Variants in ADAM9 observed in about 807,000 individuals in gnomAD.
The protein encoded by ADAM9 is disintegrin and metalloproteinase domain-containing protein 9.
Under a neutral mutation model 108.1 loss-of-function variants are expected in ADAM9, and 54 were observed. The observed-to-expected ratio is 0.50, with a 90% CI of 0.40 to 0.63. The LOEUF (loss-of-function observed/expected upper bound fraction) is 0.63. ADAM9 is among the 20% of genes least tolerant of loss of function. The probability of loss-of-function intolerance (pLI) is 0.00; values close to 1 mark genes in which losing one functional copy is unlikely to be tolerated. For synonymous variants in ADAM9, 316 were observed against 336.0 expected, an observed-to-expected ratio of 0.94 and a Z score of 0.65; for missense variants, 830 against 997.7, an observed-to-expected ratio of 0.83 and a Z score of 2.26.
intron 7 of ADAM9, 85 bp downstream of exon 7, chr8:39,019,003 T>TTGATGTA (rs1362208205): frequency 1.6e-6 from 2 of 1,259,032 alleles, no homozygotes; most frequent in Admixed American, 3.5e-5. Context: ...AACTACACAT[T>TTGATGTA]GTTTGTATTG....
intron 11 of ADAM9, among the ~76,000 whole-genome samples, chr8:39,035,158 T>C (rs1837229269): frequency 6.6e-6 from 1 of 152,220 alleles, no homozygotes; most frequent in Non-Finnish European, 1.5e-5. Context: ...TTTTCTTCTG[T>C]GTAATTTCTT....
At chr8:39,048,732 G>A (rs948703146) in intron 12 of ADAM9, among the ~76,000 whole-genome samples, 4 of 152,022 alleles carry the variant, frequency 2.6e-5, no homozygotes, top group African/African-American at 9.7e-5. Context: ...GTCAGTGCTT[G>A]CATTACATAT....
At chr8:39,099,662 T>C (rs546375684) in intron 20 of ADAM9, among the ~76,000 whole-genome samples, 18 of 152,256 alleles carry the variant, frequency 1.2e-4, no homozygotes, top group African/African-American at 4.3e-4. Flanking sequence ...AAGATTAAAA[T>C]TTTTTTAAAT....
intron 20 of ADAM9, among the ~76,000 whole-genome samples, 179 bp downstream of exon 20, chr8:39,091,525 T>C (rs1564378182): frequency 6.6e-6 from 1 of 152,204 alleles, no homozygotes; most frequent in Non-Finnish European, 1.5e-5. Flanking sequence ...CCTTGCTCTG[T>C]TGCCCGGGGT....
intron 15 of ADAM9, among the ~76,000 whole-genome samples, chr8:39,074,549 A>G (rs185012611): frequency 6.6e-6 from 1 of 152,140 alleles, no homozygotes. Context: ...AAATAAGGCC[A>G]TTCACATGAT....
intron 12 of ADAM9, among the ~76,000 whole-genome samples, chr8:39,053,291 TA>T (rs1838015837): frequency 6.6e-6 from 1 of 152,152 alleles, no homozygotes; most frequent in African/African-American, 2.4e-5. Flanking sequence ...AACTTAGCAG[TA>T]TATTTTGAAG....
chr8:39,079,111 A>G (rs1410880993), intron 16 of ADAM9, among the ~76,000 whole-genome samples: 1 of 152,170 alleles, frequency 6.6e-6, no homozygotes, highest in Non-Finnish European at 1.5e-5. Context: ...GATAGCAAAA[A>G]TGGGCTTCCT....
At chr8:39,094,032 A>T (rs928660962) in intron 20 of ADAM9, among the ~76,000 whole-genome samples, 2 of 152,146 alleles carry the variant, frequency 1.3e-5, no homozygotes, top group South Asian at 2.1e-4. Flanking sequence ...TCGGCCTCCC[A>T]AAGTGCTGGG....
At chr8:39,027,020 T>A (rs1836945543) in intron 11 of ADAM9, among the ~76,000 whole-genome samples, 2 of 152,020 alleles carry the variant, frequency 1.3e-5, no homozygotes, top group South Asian at 4.2e-4. Flanking sequence ...TGTTACCTGA[T>A]GTATTGCTGA....
At chr8:39,039,587 CTG>C (rs1392040109) in intron 11 of ADAM9, among the ~76,000 whole-genome samples, 1 of 152,208 alleles carries the variant, frequency 6.6e-6, no homozygotes, top group Non-Finnish European at 1.5e-5. Flanking sequence ...GTTTTATTTT[CTG>C]TCTCTGGATT....
intron 18 of ADAM9, among the ~76,000 whole-genome samples, chr8:39,086,476 C>G (rs1839184073): frequency 6.6e-6 from 1 of 152,012 alleles, no homozygotes; most frequent in African/African-American, 2.4e-5. Context: ...TCTGGAAGTT[C>G]CATTTGTTTC....
chr8:39,089,898 G>A (rs938136559), intron 18 of ADAM9, 149 bp from the exon 19 acceptor site: 5 of 853,046 alleles, frequency 5.9e-6, no homozygotes, highest in Non-Finnish European at 7.8e-6. Flanking sequence ...GGACAGGAAT[G>A]AACTTTGTGG....
rs1215264930 is a variant in ADAM9, at chr8:39,011,640, C to T, written c.196-18C>T. ...TTTTAAGATGATGTTTTATTCTTTT[C>T]CCCTTCTGTGCATTTAGGTATCTTA... On this transcript the variant is annotated intron_variant, in intron 2 of 21. Transcript: ENST00000487273. 1 of 1,600,454 alleles carries T rather than the reference C, an allele frequency of 6.2e-7. No individual in the cohort carries two copies. Among genetic ancestry groups the T allele is most frequent in the South Asian group, 1.1e-5 (1 of 90,748 alleles).
chr8:39,042,644 CT>C (rs1837488824), intron 12 of ADAM9, among the ~76,000 whole-genome samples: 1 of 151,662 alleles, frequency 6.6e-6, no homozygotes, highest in African/African-American at 2.4e-5. Flanking sequence ...CTTTTACTTC[CT>C]TTTTTTATGT....
intron 12 of ADAM9, among the ~76,000 whole-genome samples, chr8:39,044,884 GTATATATATGTGTGTGCACACATACA>G (rs1837569533): frequency 1.5e-5 from 2 of 135,282 alleles, no homozygotes; most frequent in African/African-American, 6.7e-5. Context: ...ACATATATAT[GTATATATATGTGTGTGCACACATACA>G]TATGTATGTA....
Position 39,007,090 on chromosome 8 carries a change from G to A in ADAM9, c.98-796G>A, listed in dbSNP as rs191526536. ...AGGCTGTACAGGAAGCATGGCACAG[G>A]CATCTGCTTCTGGTGAGGGCTTTAG... is the stretch of plus-strand genomic sequence containing the variant. On this transcript the variant is annotated intron_variant, in intron 1 of 21. Transcript: ENST00000487273. 2.2e-4 allele frequency among the ~76,000 whole-genome samples: 33 copies of A among 152,304 alleles called. No homozygotes were observed. The East Asian group carries it at 5.2e-3, about 24-fold the overall frequency.
At chr8:39,015,967 C>G (rs1836512206) in intron 4 of ADAM9, 151 bp from the exon 5 acceptor site, 1 of 704,960 alleles carries the variant, frequency 1.4e-6, no homozygotes, top group Non-Finnish European at 2.4e-6. Context: ...TAAAGAATGC[C>G]ATGTGATACT....
At chr8:39,008,846 T>C (rs1836251800) in intron 2 of ADAM9, among the ~76,000 whole-genome samples, 1 of 152,218 alleles carries the variant, frequency 6.6e-6, no homozygotes, top group Non-Finnish European at 1.5e-5. Flanking sequence ...TACTATTCTT[T>C]TGTAAAGTTT....
chr8:39,024,818 GA>G (rs1034988808), intron 9 of ADAM9, among the ~76,000 whole-genome samples: 2 of 152,100 alleles, frequency 1.3e-5, no homozygotes, highest in Non-Finnish European at 2.9e-5. Context: ...GTGGTAAGGA[GA>G]AAAATAAAAC....
Sources: allele counts gnomAD v4.1 joint callset (sites outside exome capture counted in the v4.1 genomes callset), GRCh38; gene constraint gnomAD v4.1.1; transcripts MANE v1.5; gene names NCBI Gene and HGNC (gene_info 2026-07-23, HGNC 2026-07-21).